Variants in IDE observed in about 807,000 individuals in gnomAD.
IDE encodes the protein insulin-degrading enzyme.
Under a neutral mutation model 133.2 loss-of-function variants are expected in IDE, and 58 were observed. That is an observed-to-expected ratio of 0.44 (90% CI 0.35 to 0.54). IDE has a LOEUF of 0.54. Ranked by LOEUF, IDE falls within the 20% of genes least tolerant of loss-of-function variation. IDE has a pLI of 0.00. For synonymous variants in IDE, 396 were observed against 421.3 expected, an observed-to-expected ratio of 0.94 and a Z score of 0.73; for missense variants, 981 against 1,234.0, an observed-to-expected ratio of 0.79 and a Z score of 3.07.
chr10:92,497,835 T>C, intron 11 of IDE: 1 of 244,216 alleles, frequency 4.1e-6, no homozygotes. Flanking sequence ...AAAGAGGTAT[T>C]TAATTGCATA....
chr10:92,535,864 C>T (rs1340265219), intron 2 of IDE, among the ~76,000 whole-genome samples: 1 of 151,912 alleles, frequency 6.6e-6, no homozygotes, highest in Non-Finnish European at 1.5e-5. Context: ...GGCAAAACCT[C>T]GTCTCTAATA....
intron 2 of IDE, among the ~76,000 whole-genome samples, chr10:92,535,255 C>A (rs1841936935): frequency 1.3e-5 from 2 of 152,196 alleles, no homozygotes; most frequent in Admixed American, 1.3e-4. Flanking sequence ...AGGCGCCCAC[C>A]ACCGCGCCCA....
intron 11 of IDE, among the ~76,000 whole-genome samples, chr10:92,490,976 G>A (rs183928435): frequency 1.3e-5 from 2 of 152,188 alleles, no homozygotes; most frequent in South Asian, 4.1e-4. Flanking sequence ...AGTGGCTTAT[G>A]CCTGAAATCC....
At chr10:92,505,244 C>A (rs1201680719) in intron 10 of IDE, among the ~76,000 whole-genome samples, 2 of 152,166 alleles carry the variant, frequency 1.3e-5, no homozygotes, top group African/African-American at 4.8e-5. Context: ...AATGCTGACA[C>A]CTACAGGATT....
intron 1 of IDE, among the ~76,000 whole-genome samples, chr10:92,542,084 T>C (rs1014497632): frequency 1.3e-5 from 2 of 152,150 alleles, no homozygotes; most frequent in African/African-American, 4.8e-5. Context: ...ACTATGCAAA[T>C]GGTTACAAAA....
chr10:92,567,569 A>G (rs1843615281), intron 1 of IDE, among the ~76,000 whole-genome samples: 1 of 152,234 alleles, frequency 6.6e-6, no homozygotes, highest in African/African-American at 2.4e-5. Context: ...TGAATTGCTC[A>G]AAAAGCATCT....
At position 92,572,980 on chromosome 10, in the gene IDE, C is replaced by A. The variant is rs578164301; in HGVS notation, c.98+942G>T. ...AATCAAGTCAAAGTTCCTTGGAAGG[C>A]AGACACATACTTTACATAGAGGGTC... is the stretch of plus-strand genomic sequence containing the variant. On this transcript the variant is annotated intron_variant, in intron 1 of 24. Transcript: ENST00000265986. The A allele has an allele frequency of 2.7e-5, 27 of 985,368 alleles. No individual in the cohort carries two copies. The African/African-American group carries it at 4.2e-4, about 15-fold the overall frequency. The allele number at this position is 985,368 out of a possible 1,614,324, so 61.0% of individuals were successfully genotyped here. A position where few individuals can be genotyped will look rare whatever the true frequency, so the allele number is the denominator to read the frequency against.
At chr10:92,454,628 C>T in intron 24 of IDE, 89 bp from the exon 25 acceptor site, 1 of 867,814 alleles carries the variant, frequency 1.2e-6, no homozygotes. Context: ...TGGGAGCATA[C>T]CTCAGTTCTA....
intron 4 of IDE, among the ~76,000 whole-genome samples, chr10:92,518,074 A>C (rs969750738): frequency 1.3e-5 from 2 of 152,126 alleles, no homozygotes; most frequent in Non-Finnish European, 2.9e-5. Flanking sequence ...CCTTAGGGAA[A>C]AAAAAAGGCC....
intron 18 of IDE, among the ~76,000 whole-genome samples, 177 bp from the exon 19 acceptor site, chr10:92,469,167 G>T (rs774861748): frequency 6.6e-5 from 10 of 152,110 alleles, no homozygotes; most frequent in South Asian, 4.1e-4. Context: ...GAGTCAATAT[G>T]GTAGTGGTGA....
intron 15 of IDE, among the ~76,000 whole-genome samples, chr10:92,477,308 T>G (rs989009010): frequency 6.6e-6 from 1 of 151,832 alleles, no homozygotes; most frequent in African/African-American, 2.4e-5. Flanking sequence ...CACACCACCA[T>G]GTCTGGCTAA....
In IDE at chr10:92,458,490, GTTTTTTTTTTTT is replaced by G. The variant is rs71028821; in HGVS notation, c.2824-2071_2824-2060del. ...AGGCCTGGTTATAAATACTCTCTCT[GTTTTTTTTTTTT>G]TTTTTTTTTTTTTTTTTGAGATGGA... On this transcript the variant is annotated intron_variant, in intron 22 of 24. Transcript: ENST00000265986. Among the ~76,000 whole-genome samples, 346 of 83,872 alleles carry G rather than the reference GTTTTTTTTTTTT, an allele frequency of 4.1e-3. 1 individual carries two copies. Among genetic ancestry groups the G allele is most frequent in the African/African-American group, 4.6e-3 (83 of 17,962 alleles). 55.0% of individuals were successfully genotyped at this position (83,872 alleles called of 152,430 possible).
chr10:92,508,630 C>T (rs1276398679), intron 7 of IDE, 98 bp downstream of exon 7: 1 of 1,127,824 alleles, frequency 8.9e-7, no homozygotes, highest in Admixed American at 1.9e-5. Context: ...ATGGTCACAT[C>T]TAACAATGTT....
chr10:92,506,867 C>T (rs1848318695), intron 9 of IDE, among the ~76,000 whole-genome samples: 1 of 152,022 alleles, frequency 6.6e-6, no homozygotes, highest in Admixed American at 6.6e-5. Context: ...CTTGTGAGAT[C>T]CAACAATTCC....
chr10:92,458,846 G>A (rs1845191352), intron 22 of IDE, among the ~76,000 whole-genome samples: 1 of 151,848 alleles, frequency 6.6e-6, no homozygotes, highest in Non-Finnish European at 1.5e-5. Flanking sequence ...TTCCAAGGTT[G>A]GTCTTGAACT....
At chr10:92,542,356 T>C (rs1461058424) in intron 1 of IDE, among the ~76,000 whole-genome samples, 8 of 152,238 alleles carry the variant, frequency 5.3e-5, no homozygotes, top group Non-Finnish European at 1.5e-5. Context: ...GGTTTCGCCA[T>C]GCTGGCCAGA....
At chr10:92,486,716 C>G (rs566081819) in intron 13 of IDE, among the ~76,000 whole-genome samples, 1 of 152,278 alleles carries the variant, frequency 6.6e-6, no homozygotes, top group East Asian at 1.9e-4. Context: ...CTCAACAGCC[C>G]TTTGCACTAG....
At chr10:92,461,600 T>C (rs1845395690) in intron 21 of IDE, among the ~76,000 whole-genome samples, 1 of 152,066 alleles carries the variant, frequency 6.6e-6, no homozygotes, top group South Asian at 2.1e-4. Flanking sequence ...AAGTGATCTG[T>C]CCACCTCAGC....
chr10:92,478,544 A>G (rs907101041), intron 15 of IDE: 15 of 632,646 alleles, frequency 2.4e-5, no homozygotes, highest in Non-Finnish European at 2.9e-5. Context: ...GAAAAAAACC[A>G]TTAACTTTCT....
Sources: allele counts gnomAD v4.1 joint callset (sites outside exome capture counted in the v4.1 genomes callset), GRCh38; gene constraint gnomAD v4.1.1; transcripts MANE v1.5; gene names NCBI Gene and HGNC (gene_info 2026-07-23, HGNC 2026-07-21).